Variants in DNAAF11 observed in about 807,000 individuals in gnomAD.
The protein encoded by DNAAF11 is dynein axonemal assembly factor 11.
Under a neutral mutation model 60.8 loss-of-function variants are expected in DNAAF11, and 45 were observed. The ratio of observed to expected loss-of-function variants is 0.74; its 90% confidence interval spans 0.58 to 0.95. The LOEUF is 0.95. Among genes scored for constraint, DNAAF11 ranks in the 40% least tolerant of loss-of-function variants. DNAAF11 has a pLI of 0.00. For missense variants in DNAAF11, 546 were observed against 546.2 expected (o/e 1.00, Z 0.00); for synonymous variants, 191 against 183.5 (o/e 1.04, Z -0.33).
At chr8:132,592,300 G>C (rs1344061637) in intron 10 of DNAAF11, among the ~76,000 whole-genome samples, 1 of 152,172 alleles carries the variant, frequency 6.6e-6, no homozygotes, top group East Asian at 1.9e-4. Flanking sequence ...ACATATCCTA[G>C]CTTTGGGGGC....
At chr8:132,577,315 C>T (rs1458782066) in intron 11 of DNAAF11, among the ~76,000 whole-genome samples, 1 of 152,168 alleles carries the variant, frequency 6.6e-6, no homozygotes, top group Non-Finnish European at 1.5e-5. Flanking sequence ...GCCGAACCAC[C>T]TACAAAAACA....
the DNAAF11 span, among the ~76,000 whole-genome samples, chr8:132,702,900 T>C: frequency 6.6e-6 from 1 of 152,100 alleles, no homozygotes; most frequent in South Asian, 2.1e-4. Flanking sequence ...ACAAGGAAGA[T>C]TAGGAAGGCG....
chr8:132,657,166 G>A (rs538999092), intron 2 of DNAAF11, among the ~76,000 whole-genome samples: 1 of 152,204 alleles, frequency 6.6e-6, no homozygotes, highest in South Asian at 2.1e-4. Flanking sequence ...GTTAGGTTTA[G>A]CCAAGCTGGG....
intron 10 of DNAAF11, among the ~76,000 whole-genome samples, chr8:132,609,679 T>G (rs539820671): frequency 6.6e-6 from 1 of 152,166 alleles, no homozygotes; most frequent in Non-Finnish European, 1.5e-5. Context: ...TCACTGCTAG[T>G]GCACATCTTA....
intron 1 of DNAAF11, among the ~76,000 whole-genome samples, chr8:132,668,172 T>C (rs1229185200): frequency 6.6e-6 from 1 of 152,220 alleles, no homozygotes; most frequent in Non-Finnish European, 1.5e-5. Flanking sequence ...TATTTTTTAA[T>C]CATTTTCAAT....
chr8:132,630,990 A>G (rs1820743200), intron 5 of DNAAF11, among the ~76,000 whole-genome samples: 1 of 152,218 alleles, frequency 6.6e-6, no homozygotes, highest in Admixed American at 6.5e-5. Context: ...AAAGTTGAAA[A>G]GATGTCATAA....
At chr8:132,668,734 G>A (rs749800926) in intron 1 of DNAAF11, among the ~76,000 whole-genome samples, 3 of 152,142 alleles carry the variant, frequency 2.0e-5, no homozygotes, top group Admixed American at 1.3e-4. Context: ...GAGCCACCGC[G>A]CCCGGCCCTG....
chr8:132,651,450 T>A (rs1427274662), intron 3 of DNAAF11, among the ~76,000 whole-genome samples: 1 of 152,142 alleles, frequency 6.6e-6, no homozygotes, highest in Non-Finnish European at 1.5e-5. Flanking sequence ...GCAGATAGGA[T>A]GCATTCTCCA....
In DNAAF11 at chr8:132,635,393, T is replaced by C. The variant is rs1273693899; in HGVS notation, c.430-2430A>G. Among the ~76,000 whole-genome samples the C allele has an allele frequency of 2.6e-5, 4 of 152,258 alleles. No individual in the cohort carries two copies. In the East Asian group the frequency reaches 7.7e-4, roughly 29 times the overall value. ...AACTCCCTTGAAGTAGGAATTATGATCCTACTATACATGAGTAAAATGAGG... is the reference window on the plus strand; with the variant it reads ...AACTCCCTTGAAGTAGGAATTATGACCCTACTATACATGAGTAAAATGAGG... On this transcript the variant is annotated intron_variant, in intron 4 of 11. Coordinates refer to ENST00000620350, the MANE Select transcript of DNAAF11 (RefSeq NM_012472.6).
chr8:132,582,332 G>A (rs1421919606), intron 11 of DNAAF11, among the ~76,000 whole-genome samples: 1 of 152,212 alleles, frequency 6.6e-6, no homozygotes, highest in Non-Finnish European at 1.5e-5. Flanking sequence ...AGGAGGGACT[G>A]CTATGAAGAA....
intron 7 of DNAAF11, among the ~76,000 whole-genome samples, chr8:132,620,567 T>A (rs2130226414): frequency 6.6e-6 from 1 of 152,284 alleles, no homozygotes; most frequent in East Asian, 1.9e-4. Context: ...ACTACTGACC[T>A]CAAGTGATCT....
chr8:132,621,086 G>C (rs1253357424), intron 7 of DNAAF11, among the ~76,000 whole-genome samples: 1 of 152,178 alleles, frequency 6.6e-6, no homozygotes, highest in Non-Finnish European at 1.5e-5. Flanking sequence ...GATGACTGCG[G>C]GAAGAAGGAG....
chr8:132,657,305 T>C (rs1469298741), intron 2 of DNAAF11, among the ~76,000 whole-genome samples: 1 of 152,198 alleles, frequency 6.6e-6, no homozygotes, highest in Non-Finnish European at 1.5e-5. Context: ...GTCCTCCTAA[T>C]CAGATAAAAG....
At chr8:132,592,484 G>A (rs1816567698) in intron 10 of DNAAF11, among the ~76,000 whole-genome samples, 1 of 152,274 alleles carries the variant, frequency 6.6e-6, no homozygotes, top group East Asian at 1.9e-4. Context: ...TAGAAGGGGA[G>A]ACAGTAGGAG....
chr8:132,606,178 G>A (rs1044725882), intron 10 of DNAAF11, among the ~76,000 whole-genome samples: 3 of 152,062 alleles, frequency 2.0e-5, no homozygotes, highest in South Asian at 2.1e-4. Context: ...ACTGCCAGTC[G>A]TATAAAAGTA....
chr8:132,696,707 C>A, the DNAAF11 span, among the ~76,000 whole-genome samples: 1 of 151,940 alleles, frequency 6.6e-6, no homozygotes, highest in Non-Finnish European at 1.5e-5. Flanking sequence ...TACTATGCAG[C>A]CATAAAAAAG....
rs145806256 is a variant in DNAAF11 at position 132,586,168 on chromosome 8, G to A, written c.1141-2389C>T. Among the ~76,000 whole-genome samples, 10 of 152,274 alleles carry A rather than the reference G, an allele frequency of 6.6e-5. No individual in the cohort carries two copies. The East Asian group carries it at 1.7e-3, about 26-fold the overall frequency. ...AACGGGGGGAAGGGGTCTCCTCCTG[G>A]AAGTATCCCAGGGAGGCAGCAAGAC... On this transcript the variant is annotated intron_variant, in intron 10 of 11. Coordinates refer to ENST00000620350, the MANE Select transcript of DNAAF11 (RefSeq NM_012472.6).
At chr8:132,618,322 T>C (rs1819392625) in intron 7 of DNAAF11, among the ~76,000 whole-genome samples, 1 of 123,508 alleles carries the variant, frequency 8.1e-6, no homozygotes, top group African/African-American at 3.1e-5. Flanking sequence ...ACTTAAATGT[T>C]AGACCTAAAA....
chr8:132,657,190 A>G (rs1187748623), intron 2 of DNAAF11, among the ~76,000 whole-genome samples: 1 of 152,034 alleles, frequency 6.6e-6, no homozygotes, highest in Non-Finnish European at 1.5e-5. Flanking sequence ...GTGCATGACA[A>G]TCCAATCTCT....
Sources: allele counts gnomAD v4.1 joint callset (sites outside exome capture counted in the v4.1 genomes callset), GRCh38; gene constraint gnomAD v4.1.1; transcripts MANE v1.5; gene names NCBI Gene and HGNC (gene_info 2026-07-23, HGNC 2026-07-21).